Variants in FAHD1 observed in about 807,000 individuals in gnomAD.
The protein encoded by FAHD1 is oxaloacetate tautomerase FAHD1, mitochondrial.
A neutral mutation model predicts 12.7 loss-of-function variants in FAHD1; 14 were observed. The observed-to-expected ratio is 1.10, with a 90% CI of 0.73 to 1.72. The LOEUF (loss-of-function observed/expected upper bound fraction) is 1.72. Ranked by LOEUF, FAHD1 falls within the 40% of genes most tolerant of loss-of-function variation. The pLI, the probability that FAHD1 is intolerant of heterozygous loss-of-function variation, is 0.00. For missense variants in FAHD1, 351 were observed against 298.9 expected, an observed-to-expected ratio of 1.17 and a Z score of -1.29; for synonymous variants, 153 against 124.9, an observed-to-expected ratio of 1.22 and a Z score of -1.50.
At chr16:1,830,094 C>G (rs1898594668), downstream of FAHD1, among the ~76,000 whole-genome samples, 1 of 152,218 alleles carries the variant, frequency 6.6e-6, no homozygotes, top group Non-Finnish European at 1.5e-5. Context: ...AACTCCTGAC[C>G]TCAAGTGATC....
intron 2 of FAHD1, among the ~76,000 whole-genome samples, chr16:1,838,624 A>G (rs1462595904): frequency 6.6e-6 from 1 of 152,124 alleles, no homozygotes; most frequent in African/African-American, 2.4e-5. Flanking sequence ...ACTGATCAAC[A>G]TCTCCGACTT....
chr16:1,839,208 A>G (rs892872291), intron 2 of FAHD1: 1 of 1,493,800 alleles, frequency 6.7e-7, no homozygotes, highest in Non-Finnish European at 8.9e-7. Context: ...GGGAAAAAGC[A>G]TTCACTTTGG....
chr16:1,839,328 A>G, exon 3 of FAHD1: 1 of 1,614,240 alleles, frequency 6.2e-7, no homozygotes, highest in African/African-American at 1.3e-5. Flanking sequence ...GTGATCAGTC[A>G]GATCAATCAG....
intron 1 of FAHD1, among the ~76,000 whole-genome samples, chr16:1,837,347 G>A (rs1245064852): frequency 6.6e-6 from 1 of 152,020 alleles, no homozygotes; most frequent in African/African-American, 2.4e-5. Context: ...GGGTGGGTGG[G>A]GGTGGGGACA....
chr16:1,831,790 G>A (rs1396104032), downstream of FAHD1, among the ~76,000 whole-genome samples: 3 of 152,152 alleles, frequency 2.0e-5, no homozygotes, highest in African/African-American at 7.2e-5. Context: ...TCTCACAGGA[G>A]CGTGAACCCT....
At chr16:1,828,573 G>A in exon 1 of FAHD1, 2 of 1,000,174 alleles carry the variant, frequency 2.0e-6, no homozygotes, top group African/African-American at 3.5e-5. Flanking sequence ...ATAACTTTCC[G>A]TTGTTTACCA....
exon 1 of FAHD1, chr16:1,827,361 G>A (rs1312757332): frequency 1.9e-6 from 3 of 1,613,046 alleles, no homozygotes; most frequent in Non-Finnish European, 2.5e-6. Context: ...AGCCCGTGCT[G>A]TTCCTGAAGC....
chr16:1,832,201 A>G, downstream of FAHD1, among the ~76,000 whole-genome samples: 1 of 9,678 alleles, frequency 1.0e-4, no homozygotes, highest in Non-Finnish European at 3.5e-4. Context: ...TTTGAGACAA[A>G]GTCTTGCTCT....
At chr16:1,838,841 G>A (rs897064669) in intron 2 of FAHD1, among the ~76,000 whole-genome samples, 7 of 152,074 alleles carry the variant, frequency 4.6e-5, no homozygotes, top group South Asian at 2.1e-4. Flanking sequence ...ACAAGTGCAC[G>A]TCACCACACC....
downstream of FAHD1, among the ~76,000 whole-genome samples, chr16:1,829,860 C>T (rs1434476378): frequency 6.2e-5 from 9 of 145,562 alleles, no homozygotes; most frequent in Admixed American, 3.4e-4. Context: ...TCTTTTTTTT[C>T]TTTCTTTCTT....
chr16:1,830,132 G>C (rs1192342966), downstream of FAHD1, among the ~76,000 whole-genome samples: 1 of 152,156 alleles, frequency 6.6e-6, no homozygotes, highest in East Asian at 1.9e-4. Flanking sequence ...CAAAGTGCTG[G>C]GATTACAGGC....
At chr16:1,833,053 G>T (rs1265595812), downstream of FAHD1, among the ~76,000 whole-genome samples, 1 of 152,002 alleles carries the variant, frequency 6.6e-6, no homozygotes, top group African/African-American at 2.4e-5. Flanking sequence ...GTGGTGGAGG[G>T]CATGTAGCCT....
chr16:1,836,983 G>A (rs1479526671), intron 1 of FAHD1, among the ~76,000 whole-genome samples: 1 of 152,160 alleles, frequency 6.6e-6, no homozygotes, highest in African/African-American at 2.4e-5. Flanking sequence ...AAGCAACTAG[G>A]CTGGCTGGGT....
exon 3 of FAHD1, chr16:1,839,774 C>G (rs755295778): frequency 1.6e-5 from 4 of 248,664 alleles, no homozygotes; most frequent in Non-Finnish European, 3.1e-5. Flanking sequence ...CTTGGAACAG[C>G]AGCAGAGTGC....
At chr16:1,829,332 T>C (rs1362943475), downstream of FAHD1, among the ~76,000 whole-genome samples, 1 of 152,160 alleles carries the variant, frequency 6.6e-6, no homozygotes, top group East Asian at 1.9e-4. Flanking sequence ...ATTCTGTATT[T>C]CCACGTGTTA....
chr16:1,827,446 G>T lies in FAHD1; in HGVS notation c.208G>T (p.Glu70Ter), dbSNP rs1283427506. 6.2e-7 allele frequency: 1 copy of T among 1,610,826 alleles called. No individual in the cohort carries two copies. Among genetic ancestry groups the T allele is most frequent in the Admixed American group, 1.7e-5 (1 of 59,982 alleles). The change falls in exon 1 of 1, where the codon GAG becomes TAG. Residue 70 changes from glutamate to a stop codon, truncating the protein, a stop_gained. Coordinates refer to ENST00000427358, the Ensembl canonical transcript of FAHD1. LOFTEE classifies it high-confidence loss of function. ...CACTCGCAACCTGCACCACGAGCTG[G>T]AGCTGGGCGTGGTGATGGGCAAGCG... is the stretch of plus-strand genomic sequence containing the variant.
chr16:1,828,519 T>G (rs1898558082), exon 1 of FAHD1: 1 of 1,000,144 alleles, frequency 1.0e-6, no homozygotes, highest in South Asian at 4.7e-5. Flanking sequence ...GATCAGTAGT[T>G]CAGCACTTAA....
chr16:1,829,537 C>G (rs1596954555), downstream of FAHD1, among the ~76,000 whole-genome samples: 2 of 152,164 alleles, frequency 1.3e-5, no homozygotes, highest in Non-Finnish European at 2.9e-5. Context: ...TAAGTAGATA[C>G]ATAAGAAGAA....
intron 2 of FAHD1, chr16:1,838,190 G>C: frequency 2.1e-6 from 1 of 474,404 alleles, no homozygotes; most frequent in Non-Finnish European, 3.7e-6. Context: ...TGTAGAGACA[G>C]GGTCTCACTA....
Sources: gnomAD v4.1 joint callset for allele counts (sites outside exome capture counted in the v4.1 genomes callset) on GRCh38, gnomAD v4.1.1 for gene constraint, MANE v1.5 for transcripts, NCBI Gene and HGNC (gene_info 2026-07-23, HGNC 2026-07-21) for gene names.